Variants in IDO2 observed in about 807,000 individuals in gnomAD.
IDO2 encodes indoleamine 2,3-dioxygenase-like 1 protein.
Under a neutral mutation model 45.1 loss-of-function variants are expected in IDO2, and 46 were observed. The observed-to-expected ratio is 1.02, with a 90% CI of 0.80 to 1.30. The LOEUF (loss-of-function observed/expected upper bound fraction) is 1.30, where lower values mean the gene tolerates loss of function less well. Ranked by LOEUF, IDO2 falls within the 50% of genes most tolerant of loss-of-function variation. The pLI, the probability that IDO2 is intolerant of heterozygous loss-of-function variation, is 0.00. For missense variants in IDO2, 544 were observed against 491.8 expected (o/e 1.11, Z -1.00); for synonymous variants, 218 against 184.9 (o/e 1.18, Z -1.45).
chr8:39,987,780 G>A, intron 6 of IDO2, 91 bp from the exon 7 acceptor site: 1 of 723,508 alleles, frequency 1.4e-6, no homozygotes, highest in Non-Finnish European at 2.4e-6. Context: ...ATTCCACCCT[G>A]CAGTTATCTA....
chr8:39,979,535 G>A (rs1003768994), intron 4 of IDO2, among the ~76,000 whole-genome samples: 21 of 152,024 alleles, frequency 1.4e-4, no homozygotes, highest in African/African-American at 4.6e-4. Context: ...TGTATTTTTA[G>A]TAGAGATGGG....
intron 2 of IDO2, among the ~76,000 whole-genome samples, chr8:39,962,014 A>T (rs1478608469): frequency 2.6e-5 from 4 of 152,130 alleles, no homozygotes; most frequent in African/African-American, 4.8e-5. Flanking sequence ...GCAACTACCA[A>T]CTCTCCTGCT....
chr8:39,968,482 T>C (rs754622198), intron 3 of IDO2, among the ~76,000 whole-genome samples: 2 of 152,208 alleles, frequency 1.3e-5, no homozygotes, highest in Non-Finnish European at 2.9e-5. Context: ...TGGAATTGTA[T>C]GTCACAAAGA....
intron 8 of IDO2, among the ~76,000 whole-genome samples, chr8:40,004,912 C>T (rs1802197644): frequency 6.6e-6 from 1 of 152,220 alleles, no homozygotes. Context: ...AATATTCAGA[C>T]TTTCAGTTAA....
intron 1 of IDO2, among the ~76,000 whole-genome samples, chr8:39,941,441 G>A (rs1447082639): frequency 1.3e-5 from 2 of 152,132 alleles, no homozygotes; most frequent in Admixed American, 1.3e-4. Flanking sequence ...TGCTAGAAAG[G>A]TGCTTAGGGG....
intron 6 of IDO2, chr8:39,985,799 A>G (rs980119239): frequency 9.0e-6 from 3 of 334,932 alleles, no homozygotes; most frequent in African/African-American, 6.5e-5. Context: ...ACAAAACAAA[A>G]TGAAACTTTA....
chr8:39,947,433 T>A (rs10216703), intron 1 of IDO2, among the ~76,000 whole-genome samples: 29,529 of 152,178 alleles, frequency 0.19, 2,889 homozygotes, highest in East Asian at 0.26. Context: ...CTGGCATGTT[T>A]ATACTGGTCT....
chr8:39,935,837 G>A lies in IDO2; in HGVS notation c.-18+619G>A, dbSNP rs142517228. Among the ~76,000 whole-genome samples the A allele has an allele frequency of 7.5e-3, 1,136 of 152,292 alleles. 14 individuals are homozygous for A. Among genetic ancestry groups the A allele is most frequent in the African/African-American group, 0.026 (1,087 of 41,570 alleles). ...ATTGGCAGATTATGAAATAGCAATT[G>A]TTTTGGAAGACAGCAAAACCTGAAG... On this transcript the variant is annotated intron_variant, in intron 1 of 10. Coordinates refer to ENST00000502986, the Ensembl canonical transcript of IDO2.
chr8:39,957,831 T>TA (rs1299115615), intron 2 of IDO2, among the ~76,000 whole-genome samples: 2 of 152,196 alleles, frequency 1.3e-5, no homozygotes, highest in Non-Finnish European at 2.9e-5. Context: ...TCTGATAGTT[T>TA]AGGTTCTAAT....
exon 11 of IDO2, chr8:40,015,546 TTTC>T: frequency 6.2e-7 from 1 of 1,613,950 alleles, no homozygotes; most frequent in Non-Finnish European, 8.5e-7. Context: ...AGTTATGAGC[TTTC>T]TTAAGAGTGT....
chr8:39,960,478 A>G (rs1268913659), intron 2 of IDO2, among the ~76,000 whole-genome samples: 1 of 152,146 alleles, frequency 6.6e-6, no homozygotes, highest in Non-Finnish European at 1.5e-5. Flanking sequence ...AAACTGCTCA[A>G]GCTTCTCATT....
chr8:39,939,275 G>T (rs553322971), intron 1 of IDO2, among the ~76,000 whole-genome samples: 4 of 136,656 alleles, frequency 2.9e-5, no homozygotes, highest in South Asian at 4.7e-4. Flanking sequence ...GGCCAGGAGT[G>T]GTGGCTCACA....
intron 2 of IDO2, 109 bp from the exon 3 acceptor site, chr8:39,963,499 A>T (rs188668388): frequency 3.1e-6 from 2 of 649,548 alleles, no homozygotes; most frequent in East Asian, 5.5e-5. Context: ...TGTTCGTTCA[A>T]CTGCATTGAC....
At chr8:40,006,709 G>A (rs1410006509) in intron 9 of IDO2, among the ~76,000 whole-genome samples, 1 of 149,410 alleles carries the variant, frequency 6.7e-6, no homozygotes, top group Non-Finnish European at 1.5e-5. Flanking sequence ...CACCCAGGCT[G>A]GAGTGCAGTG....
At chr8:39,979,947 G>C (rs2129594405) in intron 4 of IDO2, among the ~76,000 whole-genome samples, 1 of 152,258 alleles carries the variant, frequency 6.6e-6, no homozygotes, top group Non-Finnish European at 1.5e-5. Context: ...TCAGCCTCCT[G>C]AGAAGCTGGG....
intron 8 of IDO2, among the ~76,000 whole-genome samples, chr8:39,991,001 A>C (rs901965260): frequency 6.6e-6 from 1 of 152,140 alleles, no homozygotes; most frequent in Non-Finnish European, 1.5e-5. Flanking sequence ...TTTTCCCTGA[A>C]TCTTGCTTCC....
intron 4 of IDO2, among the ~76,000 whole-genome samples, chr8:39,979,826 C>T (rs768872074): frequency 1.1e-4 from 16 of 151,102 alleles, no homozygotes; most frequent in African/African-American, 3.7e-4. Flanking sequence ...AGGCAGATTG[C>T]CTTTTTGCTT....
chr8:39,998,237 G>C (rs1802079683), intron 8 of IDO2: 1 of 152,358 alleles, frequency 6.6e-6, no homozygotes, highest in Non-Finnish European at 1.5e-5. Flanking sequence ...ACACTTTCTT[G>C]GGCATTTCCC....
At chr8:39,954,809 C>A (rs1807866570) in intron 2 of IDO2, among the ~76,000 whole-genome samples, 2 of 151,678 alleles carry the variant, frequency 1.3e-5, no homozygotes, top group Admixed American at 1.3e-4. Flanking sequence ...GTGCGCACCA[C>A]AAAGCCCAGC....
Sources: allele counts gnomAD v4.1 joint callset (sites outside exome capture counted in the v4.1 genomes callset), GRCh38; gene constraint gnomAD v4.1.1; transcripts MANE v1.5; gene names NCBI Gene and HGNC (gene_info 2026-07-23, HGNC 2026-07-21).